Variants in KCNMA1 observed in about 807,000 individuals in gnomAD.
KCNMA1 encodes the protein Calcium-activated potassium channel subunit alpha-1.
In KCNMA1, 29 loss-of-function variants were observed where a neutral mutation model predicts 140.0. The ratio of observed to expected loss-of-function variants is 0.21; its 90% confidence interval spans 0.15 to 0.28. The LOEUF (loss-of-function observed/expected upper bound fraction) is 0.28, where lower values mean the gene tolerates loss of function less well. Ranked by LOEUF, KCNMA1 falls within the 10% of genes least tolerant of loss-of-function variation. The pLI is 1.00. For missense variants in KCNMA1, 880 were observed against 1,602.2 expected, an observed-to-expected ratio of 0.55 and a Z score of 7.70; for synonymous variants, 612 against 611.9, an observed-to-expected ratio of 1.00 and a Z score of 0.00.
chr10:77,014,084 T>G (rs1161467999), intron 17 of KCNMA1, among the ~76,000 whole-genome samples: 3 of 152,226 alleles, frequency 2.0e-5, no homozygotes, highest in Non-Finnish European at 4.4e-5. Context: ...AACATATACA[T>G]TATACAGATA....
At chr10:76,995,696 T>G (rs79930056) in intron 19 of KCNMA1, 1 of 470,622 alleles carries the variant, frequency 2.1e-6, no homozygotes, top group Non-Finnish European at 4.4e-6. Context: ...ATGAGTATCC[T>G]GAGAACCGGC....
chr10:77,240,562 A>G (rs937054288), intron 3 of KCNMA1, among the ~76,000 whole-genome samples: 8 of 152,208 alleles, frequency 5.3e-5, no homozygotes, highest in African/African-American at 1.9e-4. Context: ...GGAGGCCCAA[A>G]TCTGGCCTGC....
intron 19 of KCNMA1, among the ~76,000 whole-genome samples, chr10:76,993,305 G>A (rs904575952): frequency 6.6e-6 from 1 of 152,236 alleles, no homozygotes; most frequent in African/African-American, 2.4e-5. Flanking sequence ...AAGGCCAGTG[G>A]TAGTGGATGC....
At chr10:77,501,519 G>A (rs1325816967) in intron 1 of KCNMA1, among the ~76,000 whole-genome samples, 1 of 152,198 alleles carries the variant, frequency 6.6e-6, no homozygotes, top group Non-Finnish European at 1.5e-5. Context: ...CTCTCTGGCT[G>A]GAGCGGCCAG....
chr10:77,044,422 G>A (rs1353017821), intron 14 of KCNMA1, among the ~76,000 whole-genome samples: 1 of 151,934 alleles, frequency 6.6e-6, no homozygotes. Flanking sequence ...GGAAGCTGAG[G>A]CAGGAAGTTT....
At chr10:76,990,429 C>A (rs541431742) in intron 19 of KCNMA1, among the ~76,000 whole-genome samples, 1 of 152,278 alleles carries the variant, frequency 6.6e-6, no homozygotes, top group South Asian at 2.1e-4. Context: ...CATCAGAATC[C>A]CCTAACATAG....
chr10:77,039,142 A>T lies in KCNMA1; in HGVS notation c.1859+386T>A, dbSNP rs2094507668. On this transcript the variant is annotated intron_variant, in intron 15 of 27. Transcript: ENST00000286628. The stretch of plus-strand genomic sequence containing the variant: ...CTATGATCAGACTTGATGGGAAGAC[A>T]GATTAAAATTCCTTTCATTGAGGGG... The T allele has an allele frequency of 3.6e-5, 11 of 305,378 alleles. No homozygotes were observed. In the South Asian group the frequency reaches 4.2e-4, roughly 12 times the overall value. The allele number at this position is 305,378 out of a possible 1,614,324, so 18.9% of individuals were successfully genotyped here.
intron 1 of KCNMA1, among the ~76,000 whole-genome samples, chr10:77,589,189 G>T (rs1331361955): frequency 1.3e-5 from 2 of 152,308 alleles, no homozygotes; most frequent in East Asian, 3.9e-4. Context: ...TAAAACAAGA[G>T]AGGTGTGTTA....
chr10:77,612,880 A>G (rs968989924), intron 1 of KCNMA1, among the ~76,000 whole-genome samples: 2 of 152,076 alleles, frequency 1.3e-5, no homozygotes, highest in East Asian at 3.9e-4. Flanking sequence ...ATGGAAGACA[A>G]AGCTGGAGCT....
intron 1 of KCNMA1, among the ~76,000 whole-genome samples, chr10:77,488,075 C>A (rs569888638): frequency 3.3e-5 from 5 of 152,084 alleles, no homozygotes; most frequent in Non-Finnish European, 7.4e-5. Flanking sequence ...TAATAAGCAC[C>A]CATGCAGCAA....
intron 5 of KCNMA1, among the ~76,000 whole-genome samples, chr10:77,179,571 C>T (rs2098785926): frequency 6.6e-6 from 1 of 152,138 alleles, no homozygotes; most frequent in East Asian, 1.9e-4. Flanking sequence ...TGGAGGGATG[C>T]CAACACAACA....
At chr10:77,130,685 A>G (rs2097842318) in intron 5 of KCNMA1, among the ~76,000 whole-genome samples, 1 of 152,180 alleles carries the variant, frequency 6.6e-6, no homozygotes, top group Non-Finnish European at 1.5e-5. Context: ...GGGGGTAGGA[A>G]ACAGCAGAAT....
chr10:77,390,166 C>G (rs2095762161), intron 2 of KCNMA1, among the ~76,000 whole-genome samples: 1 of 152,176 alleles, frequency 6.6e-6, no homozygotes, highest in East Asian at 1.9e-4. Flanking sequence ...CTGCGGCCCC[C>G]TCTATTTATG....
intron 5 of KCNMA1, among the ~76,000 whole-genome samples, chr10:77,131,879 C>T (rs548496341): frequency 5.3e-5 from 8 of 150,078 alleles, no homozygotes; most frequent in Non-Finnish European, 1.0e-4. Context: ...GCAGGAGAAT[C>T]GCTTGAACCC....
chr10:77,514,420 G>A (rs902564570), intron 1 of KCNMA1, among the ~76,000 whole-genome samples: 1 of 152,166 alleles, frequency 6.6e-6, no homozygotes, highest in Admixed American at 6.5e-5. Context: ...GCTTGCCCAG[G>A]TGGTACAAGT....
intron 2 of KCNMA1, chr10:77,372,969 A>C (rs1393193464): frequency 1.3e-5 from 2 of 152,248 alleles, no homozygotes; most frequent in Non-Finnish European, 2.9e-5. Flanking sequence ...TGTTGACTTG[A>C]TATTTGCTAC....
At chr10:77,465,348 A>G (rs1268980979) in intron 1 of KCNMA1, among the ~76,000 whole-genome samples, 1 of 152,164 alleles carries the variant, frequency 6.6e-6, no homozygotes, top group Non-Finnish European at 1.5e-5. Context: ...TGCAAATGGT[A>G]AGGCAACTTT....
intron 2 of KCNMA1, among the ~76,000 whole-genome samples, chr10:77,364,267 A>G (rs1274661231): frequency 1.3e-5 from 2 of 152,134 alleles, no homozygotes; most frequent in Admixed American, 1.3e-4. Context: ...CCTGGCCAAC[A>G]TAGCAAAACC....
intron 1 of KCNMA1, among the ~76,000 whole-genome samples, chr10:77,595,662 T>TTTCTG (rs2080692818): frequency 6.6e-6 from 1 of 151,970 alleles, no homozygotes; most frequent in Admixed American, 6.6e-5. Context: ...GACAGGCTAG[T>TTTCTG]TTTTGTTTTG....
Sources: allele counts gnomAD v4.1 joint callset (sites outside exome capture counted in the v4.1 genomes callset), GRCh38; gene constraint gnomAD v4.1.1; transcripts MANE v1.5; gene names NCBI Gene and HGNC (gene_info 2026-07-23, HGNC 2026-07-21).